The following XCR1 variants were observed in gnomAD, a reference collection of about 807,000 sequenced individuals.
XCR1 encodes X-C motif chemokine receptor 1.
For missense variants in XCR1, 356 were observed against 424.2 expected, an observed-to-expected ratio of 0.84 and a Z score of 1.41; for synonymous variants, 187 against 188.5, an observed-to-expected ratio of 0.99 and a Z score of 0.06.
chr3:46,028,851 C>A (rs1708350866), upstream of XCR1, among the ~76,000 whole-genome samples: 1 of 152,112 alleles, frequency 6.6e-6, no homozygotes, highest in African/African-American at 2.4e-5. Context: ...CTTGCCCTCC[C>A]AAAGCTCTGA....
At chr3:46,023,840 TG>T in intron 1 of XCR1, 1 of 1,523,500 alleles carries the variant, frequency 6.6e-7, no homozygotes, top group East Asian at 2.3e-5. Flanking sequence ...AAGAGACGTG[TG>T]GAATTCCTTG....
chr3:46,031,567 C>T (rs1708395974), upstream of XCR1, among the ~76,000 whole-genome samples: 1 of 152,224 alleles, frequency 6.6e-6, no homozygotes, highest in South Asian at 2.1e-4. Context: ...TTGGCATGAA[C>T]AGCCTGAGTC....
intron 1 of XCR1, among the ~76,000 whole-genome samples, chr3:46,080,376 T>A (rs1229621146): frequency 6.6e-6 from 1 of 152,132 alleles, no homozygotes; most frequent in Non-Finnish European, 1.5e-5. Flanking sequence ...ATAGATACCT[T>A]GAAATGTCCT....
Position 46,019,315 on chromosome 3 carries a change from A to AT in XCR1, c.*1630dup, listed in dbSNP as rs1336086845. The AT allele has an allele frequency of 6.6e-6, 1 of 152,166 alleles. No individual in the cohort carries two copies. Among genetic ancestry groups the AT allele is most frequent in the African/African-American group, 2.4e-5 (1 of 41,442 alleles). 9.4% of individuals were successfully genotyped at this position (152,166 alleles called of 1,614,324 possible). On this transcript the variant is annotated 3_prime_UTR_variant, in exon 2 of 2. Coordinates refer to ENST00000309285, the MANE Select transcript of XCR1 (RefSeq NM_001024644.2). ...ATCTGAAGGATAATAACAGCTGTTG[A>AT]TTCTTTGCTCCCACTGAGCACACAG...
chr3:46,058,223 C>G (rs1449621945), intron 4 of XCR1, among the ~76,000 whole-genome samples: 4 of 152,118 alleles, frequency 2.6e-5, no homozygotes, highest in Non-Finnish European at 5.9e-5. Flanking sequence ...CTGGATATTC[C>G]TGATCAAATG....
chr3:46,028,583 TTTTTC>T (rs1708342345), upstream of XCR1, among the ~76,000 whole-genome samples: 2 of 151,902 alleles, frequency 1.3e-5, no homozygotes, highest in South Asian at 4.2e-4. Context: ...TTACATCTTC[TTTTTC>T]TTTTCTTTCC....
chr3:46,022,352 C>T (rs147464749), intron 1 of XCR1: 1 of 165,318 alleles, frequency 6.0e-6, no homozygotes, highest in East Asian at 1.8e-4. Flanking sequence ...TTAGTTAATT[C>T]TCTCCTGGAT....
chr3:46,079,411 C>T (rs1698318075), intron 1 of XCR1, among the ~76,000 whole-genome samples: 1 of 152,064 alleles, frequency 6.6e-6, no homozygotes, highest in Non-Finnish European at 1.5e-5. Context: ...AAGATAAATT[C>T]TGAGAAAATT....
intron 5 of XCR1, among the ~76,000 whole-genome samples, chr3:46,037,795 A>C (rs1697461447): frequency 6.6e-6 from 1 of 152,208 alleles, no homozygotes; most frequent in Non-Finnish European, 1.5e-5. Context: ...TTTTTAATAC[A>C]ATTAACTGTG....
chr3:46,040,254 T>C (rs1697516486), intron 5 of XCR1, among the ~76,000 whole-genome samples: 1 of 152,168 alleles, frequency 6.6e-6, no homozygotes, highest in Admixed American at 6.6e-5. Flanking sequence ...TAATTTTGGC[T>C]AAATAAATGA....
chr3:46,067,302 T>C (rs1055765777), intron 3 of XCR1, among the ~76,000 whole-genome samples: 1 of 152,078 alleles, frequency 6.6e-6, no homozygotes, highest in Non-Finnish European at 1.5e-5. Flanking sequence ...GTAGGAGTTA[T>C]CCAGGGAGAG....
At chr3:46,048,390 A>G (rs1247023695) in intron 5 of XCR1, among the ~76,000 whole-genome samples, 1 of 152,142 alleles carries the variant, frequency 6.6e-6, no homozygotes, top group Non-Finnish European at 1.5e-5. Flanking sequence ...CCTGTCCCTG[A>G]CACTCCAGTA....
chr3:46,024,825 T>C (rs1285227273), intron 1 of XCR1, among the ~76,000 whole-genome samples: 1 of 152,184 alleles, frequency 6.6e-6, no homozygotes, highest in Non-Finnish European at 1.5e-5. Flanking sequence ...GGAGGAAATA[T>C]CCTTTGTTTT....
At chr3:46,025,408 GAAAT>G (rs1255587530) in intron 1 of XCR1, among the ~76,000 whole-genome samples, 2 of 151,258 alleles carry the variant, frequency 1.3e-5, no homozygotes, top group East Asian at 3.9e-4. Context: ...TGTCTCAAAA[GAAAT>G]AAAGAAAGAG....
At chr3:46,035,326 G>C (rs966794131) in intron 5 of XCR1, among the ~76,000 whole-genome samples, 1 of 152,152 alleles carries the variant, frequency 6.6e-6, no homozygotes, top group Non-Finnish European at 1.5e-5. Flanking sequence ...AGTCAGTCAG[G>C]GAGATGGATT....
chr3:46,069,496 T>A (rs150793670), intron 3 of XCR1, among the ~76,000 whole-genome samples: 6 of 152,294 alleles, frequency 3.9e-5, no homozygotes, highest in Admixed American at 6.5e-5. Flanking sequence ...CATGGTAACC[T>A]CCTCTATCTC....
chr3:46,059,538 G>T (rs552585038), intron 4 of XCR1, among the ~76,000 whole-genome samples: 1 of 151,988 alleles, frequency 6.6e-6, no homozygotes, highest in African/African-American at 2.4e-5. Context: ...ATTTCAGAAA[G>T]AAAATCTTAG....
intron 1 of XCR1, among the ~76,000 whole-genome samples, chr3:46,025,974 A>G (rs1184940237): frequency 6.6e-6 from 1 of 152,204 alleles, no homozygotes; most frequent in East Asian, 1.9e-4. Context: ...GAATAATATA[A>G]CATGACCAAG....
At chr3:46,046,121 A>G (rs548725791) in intron 5 of XCR1, among the ~76,000 whole-genome samples, 1 of 152,360 alleles carries the variant, frequency 6.6e-6, no homozygotes, top group South Asian at 2.1e-4. Context: ...AGACACAGAA[A>G]GATAAATATT....
Sources: gnomAD v4.1 joint callset for allele counts (sites outside exome capture counted in the v4.1 genomes callset) on GRCh38, gnomAD v4.1.1 for gene constraint, MANE v1.5 for transcripts, NCBI Gene and HGNC (gene_info 2026-07-23, HGNC 2026-07-21) for gene names.